Variants in SNX10 observed in about 807,000 individuals in gnomAD.
SNX10 encodes the protein sorting nexin-10.
A neutral mutation model predicts 28.5 loss-of-function variants in SNX10; 25 were observed. The observed-to-expected ratio is 0.88, with a 90% CI of 0.64 to 1.22. SNX10 has a LOEUF of 1.22. SNX10 is among the 50% of genes most tolerant of loss of function. The pLI is 0.00. For synonymous variants in SNX10, 62 were observed against 81.4 expected, an observed-to-expected ratio of 0.76 and a Z score of 1.28; for missense variants, 223 against 242.6, an observed-to-expected ratio of 0.92 and a Z score of 0.54.
At chr7:26,340,542 T>A (rs978106506) in intron 1 of SNX10, among the ~76,000 whole-genome samples, 1 of 152,220 alleles carries the variant, frequency 6.6e-6, no homozygotes, top group African/African-American at 2.4e-5. Context: ...TAGAGGAAGC[T>A]TTCTCCTCGA....
chr7:26,327,726 CT>C lies in SNX10; in HGVS notation c.-23-18673del, dbSNP rs70943293. ...ATTGTATTCATTCATGCATTCTTTT[CT>C]TTTTTTTTTTTTTTTTTTTTGAGAT... On this transcript the variant is annotated intron_variant, in intron 1 of 6. Transcript: ENST00000338523. Among the ~76,000 whole-genome samples, 452 of 89,078 alleles carry C rather than the reference CT, an allele frequency of 5.1e-3. 2 individuals are homozygous for C. The highest frequency in any genetic ancestry group is 0.021 in the South Asian group (52 of 2,426). The allele number at this position is 89,078 out of a possible 152,430, so 58.4% of individuals were successfully genotyped here. A position where few individuals can be genotyped will look rare whatever the true frequency, so the allele number is the denominator to read the frequency against.
chr7:26,305,933 C>T (rs965143543), intron 1 of SNX10, among the ~76,000 whole-genome samples: 3 of 152,148 alleles, frequency 2.0e-5, no homozygotes, highest in Non-Finnish European at 4.4e-5. Context: ...CTCTCTCTGT[C>T]GCCCAAGCTG....
intron 2 of SNX10, 195 bp from the exon 3 acceptor site, chr7:26,360,780 T>C (rs1333858842): frequency 2.0e-6 from 2 of 980,498 alleles, no homozygotes; most frequent in Admixed American, 6.1e-5. Context: ...AATTCCATTA[T>C]GTGGCAAAAG....
chr7:26,345,878 C>T (rs1012612696), intron 1 of SNX10, among the ~76,000 whole-genome samples: 1 of 152,092 alleles, frequency 6.6e-6, no homozygotes, highest in East Asian at 1.9e-4. Context: ...AATCAAACAA[C>T]AGGCTGGCTG....
intron 2 of SNX10, among the ~76,000 whole-genome samples, chr7:26,347,169 G>A (rs935217704): frequency 5.3e-5 from 8 of 152,168 alleles, no homozygotes; most frequent in Non-Finnish European, 1.0e-4. Flanking sequence ...CAGTCACATG[G>A]TCCCAGCTCA....
At chr7:26,323,749 C>G (rs1349251369) in intron 1 of SNX10, among the ~76,000 whole-genome samples, 1 of 152,136 alleles carries the variant, frequency 6.6e-6, no homozygotes, top group African/African-American at 2.4e-5. Flanking sequence ...CATTAGGAGA[C>G]TATCTTAGCA....
rs1206013530 is a variant in SNX10, at chr7:26,364,754, ATGTAGCTTTAGTTT to A, written c.212+120_212+133del. 32 of 721,114 alleles carry A rather than the reference ATGTAGCTTTAGTTT, an allele frequency of 4.4e-5. No homozygotes were observed. The African/African-American group carries it at 4.6e-4, about 10-fold the overall frequency. 44.7% of individuals were successfully genotyped at this position (721,114 alleles called of 1,614,324 possible). A position where few individuals can be genotyped will look rare whatever the true frequency, so the allele number is the denominator to read the frequency against. ...TATAGGCTTTTGCCTTGATTACAAT[ATGTAGCTTTAGTTT>A]CTTAGCTACTGCATCTGAATTTAAA... On this transcript the variant is annotated intron_variant, in intron 4 of 6. Transcript: ENST00000338523. This position sits in a 1 kb window ranked among gnomAD's most constrained non-coding sequence, Gnocchi z 4.9.
chr7:26,369,465 AT>A (rs1397303357), intron 5 of SNX10, among the ~76,000 whole-genome samples: 2 of 152,236 alleles, frequency 1.3e-5, no homozygotes, highest in African/African-American at 4.8e-5. Flanking sequence ...AGAATGAACT[AT>A]CTGACTAAAA....
intron 1 of SNX10, among the ~76,000 whole-genome samples, chr7:26,319,927 A>G (rs1166093208): frequency 6.6e-6 from 1 of 151,540 alleles, no homozygotes; most frequent in Non-Finnish European, 1.5e-5. Context: ...TATTTTATAT[A>G]TCTATATGTA....
At position 26,371,997 on chromosome 7, in the gene SNX10, G is replaced by GA; in HGVS notation, c.495dup (p.Glu166ArgfsTer3). 6.2e-7 allele frequency: 1 copy of GA among 1,605,896 alleles called. No homozygotes were observed. Among genetic ancestry groups the GA allele is most frequent in the Non-Finnish European group, 8.5e-7 (1 of 1,175,986 alleles). ...CGTTTCCCTGAAGAAGATGAAGAAG[G>GA]AAAAAAAGAAAATGATATAGATTAT... is the stretch of plus-strand genomic sequence containing the variant. On this transcript the variant is annotated frameshift_variant, in exon 6 of 7. Transcript: ENST00000338523. LOFTEE classifies it high-confidence loss of function.
chr7:26,299,488 AT>A (rs933074094), intron 1 of SNX10, among the ~76,000 whole-genome samples: 21 of 129,548 alleles, frequency 1.6e-4, no homozygotes, highest in African/African-American at 5.8e-4. Flanking sequence ...CTGGCCTCTG[AT>A]TTTTTTTTTC....
intron 2 of SNX10, among the ~76,000 whole-genome samples, chr7:26,350,405 C>G (rs183655474): frequency 7.9e-5 from 12 of 152,206 alleles, no homozygotes; most frequent in Non-Finnish European, 1.8e-4. Flanking sequence ...TGAGCAGCCC[C>G]TAAGGTTAAT....
At chr7:26,330,188 A>G (rs970053512) in intron 1 of SNX10, among the ~76,000 whole-genome samples, 3 of 149,810 alleles carry the variant, frequency 2.0e-5, no homozygotes, top group Non-Finnish European at 1.5e-5. Context: ...GGCTTTACTC[A>G]TGATCAAGGC....
At chr7:26,357,846 G>A (rs1024755198) in intron 2 of SNX10, among the ~76,000 whole-genome samples, 1 of 152,112 alleles carries the variant, frequency 6.6e-6, no homozygotes, top group African/African-American at 2.4e-5. Context: ...GCTGTGGGAA[G>A]GGTATGGACA....
chr7:26,354,834 T>A (rs1788753411), intron 2 of SNX10, among the ~76,000 whole-genome samples: 1 of 152,238 alleles, frequency 6.6e-6, no homozygotes, highest in Admixed American at 6.5e-5. Flanking sequence ...GAAGCCTAAT[T>A]GATCACTTTT....
At chr7:26,361,667 C>G (rs1451564127) in intron 3 of SNX10, among the ~76,000 whole-genome samples, 1 of 152,216 alleles carries the variant, frequency 6.6e-6, no homozygotes, top group Non-Finnish European at 1.5e-5. Flanking sequence ...GCAAACTTCT[C>G]TGTAAAGGTA....
intron 2 of SNX10, among the ~76,000 whole-genome samples, chr7:26,348,027 G>T (rs1395838648): frequency 6.6e-6 from 1 of 152,130 alleles, no homozygotes; most frequent in Non-Finnish European, 1.5e-5. Context: ...CAGTCCTCCT[G>T]CCTCAGCCTC....
At chr7:26,303,223 A>C (rs1207188365) in intron 1 of SNX10, among the ~76,000 whole-genome samples, 1 of 152,256 alleles carries the variant, frequency 6.6e-6, no homozygotes, top group Non-Finnish European at 1.5e-5. Flanking sequence ...CTGGTTTTAA[A>C]GAAGAGAAAC....
chr7:26,307,249 TAA>T (rs1372536481), intron 1 of SNX10, among the ~76,000 whole-genome samples: 1 of 152,200 alleles, frequency 6.6e-6, no homozygotes, highest in Non-Finnish European at 1.5e-5. Context: ...TCCAGACGCC[TAA>T]AGACTGTCTC....
Sources: gnomAD v4.1 joint callset for allele counts (sites outside exome capture counted in the v4.1 genomes callset) on GRCh38, gnomAD v4.1.1 for gene constraint, Gnocchi (gnomAD v3.1) non-coding constraint, MANE v1.5 for transcripts, NCBI Gene and HGNC (gene_info 2026-07-23, HGNC 2026-07-21) for gene names.